The following SPATA31G1 variants were observed in gnomAD, a reference collection of about 807,000 sequenced individuals.
The protein encoded by SPATA31G1 is spermatogenesis-associated protein 31G1.
chr9:35,045,270 G>C, the SPATA31G1 span: 1 of 1,614,024 alleles, frequency 6.2e-7, no homozygotes, highest in Non-Finnish European at 8.5e-7. Flanking sequence ...TGGCAGGGCG[G>C]AACAAGGGTC....
the SPATA31G1 span, chr9:35,044,376 G>A: frequency 1.9e-6 from 3 of 1,614,062 alleles, no homozygotes; most frequent in Non-Finnish European, 2.5e-6. Context: ...GGTCCTGTCT[G>A]ATTCTGAAGC....
the SPATA31G1 span, chr9:35,043,722 T>A: frequency 6.8e-6 from 11 of 1,614,048 alleles, no homozygotes; most frequent in East Asian, 2.0e-4. Context: ...ACTTGCTATA[T>A]CTAAGGACTT....
chr9:35,045,730 G>C, the SPATA31G1 span: 1 of 1,614,254 alleles, frequency 6.2e-7, no homozygotes, highest in Non-Finnish European at 8.5e-7. Context: ...CCTCGCCACT[G>C]TAAGCACTGT....
At chr9:35,044,461 T>G in the SPATA31G1 span, 8 of 1,614,170 alleles carry the variant, frequency 5.0e-6, 1 homozygote, top group East Asian at 1.8e-4. Context: ...CCCCAAGACC[T>G]GCATGGAGCC....
chr9:35,045,211 C>A, the SPATA31G1 span: 1 of 1,614,188 alleles, frequency 6.2e-7, no homozygotes, highest in Non-Finnish European at 8.5e-7. Context: ...GTCCAGTCCT[C>A]CCACTGTCAT....
chr9:35,041,908 A>G, the SPATA31G1 span: 1 of 193,214 alleles, frequency 5.2e-6, no homozygotes, highest in Non-Finnish European at 1.1e-5. Context: ...AAATAAAGAT[A>G]ATGATATCTT....
the SPATA31G1 span, chr9:35,045,349 T>A: frequency 6.2e-7 from 1 of 1,614,014 alleles, no homozygotes; most frequent in African/African-American, 1.3e-5. Context: ...TGTGTACACA[T>A]GGAGGCTGGT....
chr9:35,042,007 T>C, the SPATA31G1 span: 2 of 514,764 alleles, frequency 3.9e-6, no homozygotes, highest in African/African-American at 3.8e-5. Flanking sequence ...ATGATTTGAA[T>C]AAGGCAGTTC....
At chr9:35,042,450 C>T in the SPATA31G1 span, 2 of 1,614,246 alleles carry the variant, frequency 1.2e-6, no homozygotes, top group Non-Finnish European at 1.7e-6. Context: ...GCGACAGCTT[C>T]ATCCCTGGTG....
the SPATA31G1 span, chr9:35,043,562 T>C: frequency 1.2e-6 from 2 of 1,614,022 alleles, no homozygotes; most frequent in Non-Finnish European, 1.7e-6. Context: ...CCCCTGGAAC[T>C]AGCCCCCTGG....
At chr9:35,042,285 G>T in the SPATA31G1 span, 2 of 1,614,192 alleles carry the variant, frequency 1.2e-6, no homozygotes, top group Middle Eastern at 1.6e-4. Flanking sequence ...CCTGCTTGGG[G>T]CTAAGGGGGA....
At chr9:35,044,343 C>G in the SPATA31G1 span, 1 of 1,614,116 alleles carries the variant, frequency 6.2e-7, no homozygotes, top group Non-Finnish European at 8.5e-7. Flanking sequence ...TGCACCGGAG[C>G]TGCTCAGAGT....
chr9:35,044,272 A>T, the SPATA31G1 span: 4 of 1,614,170 alleles, frequency 2.5e-6, no homozygotes, highest in Non-Finnish European at 3.4e-6. Flanking sequence ...GATACTGAGC[A>T]TTCCAGGAAT....
the SPATA31G1 span, chr9:35,045,148 C>T: frequency 1.9e-6 from 3 of 1,614,102 alleles, no homozygotes; most frequent in Admixed American, 3.3e-5. Context: ...AATCCATGCC[C>T]CCACTCTTCA....
At chr9:35,045,418 G>A in the SPATA31G1 span, 2 of 1,614,098 alleles carry the variant, frequency 1.2e-6, no homozygotes, top group African/African-American at 1.3e-5. Context: ...CTGGTCTCAG[G>A]CAAGAGAAAG....
the SPATA31G1 span, chr9:35,043,607 C>T: frequency 6.2e-7 from 1 of 1,614,162 alleles, no homozygotes; most frequent in Admixed American, 1.7e-5. Context: ...ATTTGGAAAC[C>T]ACAGGACACA....
the SPATA31G1 span, chr9:35,043,874 A>C: frequency 1.9e-6 from 3 of 1,614,178 alleles, no homozygotes; most frequent in Non-Finnish European, 2.5e-6. Context: ...CCCAGTGGGA[A>C]TGCAGAGAAA....
At chr9:35,044,734 T>C in the SPATA31G1 span, 171 of 1,613,980 alleles carry the variant, frequency 1.1e-4, no homozygotes, top group Non-Finnish European at 1.3e-4. Context: ...CACATTGACC[T>C]TGAACTTGTG....
chr9:35,042,909 C>A, the SPATA31G1 span: 1 of 1,614,102 alleles, frequency 6.2e-7, no homozygotes, highest in Non-Finnish European at 8.5e-7. Context: ...CCTGTGTAAG[C>A]AGAAATCAGA....
Sources: allele counts gnomAD v4.1 joint callset, GRCh38; gene constraint gnomAD v4.1.1; transcripts MANE v1.5; gene names NCBI Gene and HGNC (gene_info 2026-07-23, HGNC 2026-07-21).